The following KCTD8 variants were observed in gnomAD, a reference collection of about 807,000 sequenced individuals.
KCTD8 encodes the protein BTB/POZ domain-containing protein KCTD8.
In KCTD8, 27 loss-of-function variants were observed where a neutral mutation model predicts 31.5. The observed-to-expected ratio is 0.86, with a 90% CI of 0.63 to 1.18. The LOEUF (loss-of-function observed/expected upper bound fraction) is 1.18, where lower values mean the gene tolerates loss of function less well. Ranked by LOEUF, KCTD8 falls within the 50% of genes most tolerant of loss-of-function variation. KCTD8 has a pLI of 0.00. For synonymous variants in KCTD8, 290 were observed against 280.0 expected (o/e 1.04, Z -0.36); for missense variants, 658 against 647.7 (o/e 1.02, Z -0.17).
At chr4:44,267,880 C>T (rs1304430448) in intron 1 of KCTD8, among the ~76,000 whole-genome samples, 1 of 152,174 alleles carries the variant, frequency 6.6e-6, no homozygotes, top group East Asian at 1.9e-4. Flanking sequence ...ATAACAGGCT[C>T]TTAAATTGTG....
intron 1 of KCTD8, among the ~76,000 whole-genome samples, chr4:44,299,162 G>A (rs1717530896): frequency 6.6e-6 from 1 of 152,098 alleles, no homozygotes; most frequent in African/African-American, 2.4e-5. Context: ...AAGAAAGATA[G>A]TATTACATAG....
chr4:44,369,074 G>A (rs1036372899), intron 1 of KCTD8, among the ~76,000 whole-genome samples: 3 of 152,118 alleles, frequency 2.0e-5, no homozygotes, highest in East Asian at 1.9e-4. Flanking sequence ...TAAGGAAGAC[G>A]TGGAATGAGA....
In KCTD8 at chr4:44,410,612, T is replaced by C. The variant is rs532317998; in HGVS notation, c.961+36951A>G. 3.3e-5 allele frequency among the ~76,000 whole-genome samples: 5 copies of C among 152,242 alleles called. No individual in the cohort carries two copies. The South Asian group carries it at 1.0e-3, about 32-fold the overall frequency. ...GACAGAGGCTTAACTGGACTTACAG[T>C]TCCACATGGCTGCAGAGGTCTCACA... On this transcript the variant is annotated intron_variant, in intron 1 of 1. Transcript: ENST00000360029.
At position 44,363,297 on chromosome 4, in the gene KCTD8, T is replaced by G. The variant is rs189893875; in HGVS notation, c.961+84266A>C. ...AACTAAGAGAAATACTTCCAAGTTA[T>G]TTATTCTAAGGTTAAAGAGGGCATT... On this transcript the variant is annotated intron_variant, in intron 1 of 1. Transcript: ENST00000360029. 2.6e-3 allele frequency among the ~76,000 whole-genome samples: 392 copies of G among 151,136 alleles called. 2 individuals are homozygous for G. Among genetic ancestry groups the G allele is most frequent in the African/African-American group, 8.8e-3 (361 of 41,138 alleles).
rs997264262 is a variant in KCTD8 at position 44,276,161 on chromosome 4, A to AAGTTG, written c.962-100916_962-100912dup. ...CTAAAACAGTAAGAAAACCATATAAAAGTTGGTCTTTTTATTAATGTATCC... is the reference window on the plus strand; with the variant it reads ...CTAAAACAGTAAGAAAACCATATAAAAGTTGAGTTGGTCTTTTTATTAATGTATCC... On this transcript the variant is annotated intron_variant, in intron 1 of 1. Coordinates refer to ENST00000360029, the MANE Select transcript of KCTD8 (RefSeq NM_198353.3). Among the ~76,000 whole-genome samples, 75 of 152,034 alleles carry AAGTTG rather than the reference A, an allele frequency of 4.9e-4. No individual in the cohort carries two copies. In the Middle Eastern group the frequency reaches 0.014, roughly 28 times the overall value.
chr4:44,178,859 T>C (rs1026028001), intron 1 of KCTD8, among the ~76,000 whole-genome samples: 6 of 152,158 alleles, frequency 3.9e-5, no homozygotes, highest in South Asian at 2.1e-4. Context: ...CAGTGCAAGA[T>C]AGAAGATTAA....
At chr4:44,221,948 C>T (rs1714820657) in intron 1 of KCTD8, among the ~76,000 whole-genome samples, 1 of 152,138 alleles carries the variant, frequency 6.6e-6, no homozygotes, top group Admixed American at 6.5e-5. Flanking sequence ...AACCATCACA[C>T]ATGTTATTCC....
chr4:44,231,160 A>C (rs1177096743), intron 1 of KCTD8, among the ~76,000 whole-genome samples: 1 of 152,114 alleles, frequency 6.6e-6, no homozygotes, highest in Non-Finnish European at 1.5e-5. Context: ...AATAATCTCA[A>C]TTATCCTCCA....
chr4:44,227,031 C>T (rs993278276), intron 1 of KCTD8, among the ~76,000 whole-genome samples: 17 of 152,118 alleles, frequency 1.1e-4, no homozygotes, highest in Admixed American at 2.0e-4. Flanking sequence ...TGTGCAGAAG[C>T]TCTTTAGTTT....
intron 1 of KCTD8, among the ~76,000 whole-genome samples, chr4:44,255,323 C>T (rs535252880): frequency 3.3e-5 from 5 of 151,810 alleles, no homozygotes; most frequent in Non-Finnish European, 7.4e-5. Flanking sequence ...TTATTCTTTC[C>T]TCAAGGAGCC....
intron 1 of KCTD8, among the ~76,000 whole-genome samples, chr4:44,367,524 T>C (rs2109433973): frequency 6.6e-6 from 1 of 152,306 alleles, no homozygotes; most frequent in South Asian, 2.1e-4. Context: ...TATAAAGAAG[T>C]ACTTTCAAAT....
chr4:44,415,582 T>C (rs1485584819), intron 1 of KCTD8, among the ~76,000 whole-genome samples: 1 of 152,138 alleles, frequency 6.6e-6, no homozygotes, highest in African/African-American at 2.4e-5. Context: ...TGTGCAGCCT[T>C]GGGACACTGC....
At chr4:44,229,532 G>C (rs944015033) in intron 1 of KCTD8, among the ~76,000 whole-genome samples, 1 of 152,148 alleles carries the variant, frequency 6.6e-6, no homozygotes, top group Non-Finnish European at 1.5e-5. Context: ...CATGTGGGCA[G>C]CCCACCCTAA....
intron 1 of KCTD8, among the ~76,000 whole-genome samples, chr4:44,336,149 C>CA (rs58161667): frequency 0.02 from 944 of 46,496 alleles, 121 homozygotes; most frequent in African/African-American, 0.022. Context: ...GACTCCGTCT[C>CA]AAAAAAAAAA....
intron 1 of KCTD8, among the ~76,000 whole-genome samples, chr4:44,273,932 TA>T (rs1716680645): frequency 6.6e-6 from 1 of 151,922 alleles, no homozygotes; most frequent in South Asian, 2.1e-4. Context: ...AGATTGTTAT[TA>T]TCTAAAACTT....
intron 1 of KCTD8, among the ~76,000 whole-genome samples, chr4:44,320,142 C>T (rs1342432995): frequency 8.4e-6 from 1 of 118,810 alleles, no homozygotes. Context: ...ACTGCCCTCA[C>T]ACTGGGTGAC....
rs549972609 is a variant in KCTD8 at position 44,361,621 on chromosome 4, G to C, written c.961+85942C>G. ...AAGGTGATATGTAATCTGCATTGTT[G>C]AAATGGTCTGGTAAGTCCCCTTGAG... On this transcript the variant is annotated intron_variant, in intron 1 of 1. Transcript: ENST00000360029. Among the ~76,000 whole-genome samples, 41 of 152,108 alleles carry C rather than the reference G, an allele frequency of 2.7e-4. No homozygotes were observed. The South Asian group carries it at 8.3e-3, about 31-fold the overall frequency.
intron 1 of KCTD8, among the ~76,000 whole-genome samples, chr4:44,185,365 T>A (rs2109332310): frequency 6.6e-6 from 1 of 152,350 alleles, no homozygotes; most frequent in Non-Finnish European, 1.5e-5. Flanking sequence ...TCCACTTTAG[T>A]CCTACTTCAA....
At chr4:44,441,774 T>G (rs1426655877) in intron 1 of KCTD8, among the ~76,000 whole-genome samples, 1 of 152,218 alleles carries the variant, frequency 6.6e-6, no homozygotes, top group Admixed American at 6.5e-5. Context: ...AAGTAATGTA[T>G]GCAAAACACT....
Sources: allele counts gnomAD v4.1 joint callset (sites outside exome capture counted in the v4.1 genomes callset), GRCh38; gene constraint gnomAD v4.1.1; transcripts MANE v1.5; gene names NCBI Gene and HGNC (gene_info 2026-07-23, HGNC 2026-07-21).